SORL1: variants seen among roughly 807,000 people sequenced by gnomAD.
SORL1 encodes sortilin-related receptor.
SORL1 carries 127 observed loss-of-function variants against 273.7 expected under a neutral mutation model. That is an observed-to-expected ratio of 0.46 (90% CI 0.40 to 0.54). SORL1 has a LOEUF of 0.54. SORL1 is among the 20% of genes least tolerant of loss of function. The pLI is 0.00. For synonymous variants in SORL1, 1,031 were observed against 1,067.4 expected, an observed-to-expected ratio of 0.97 and a Z score of 0.66; for missense variants, 2,494 against 2,846.1, an observed-to-expected ratio of 0.88 and a Z score of 2.81.
intron 2 of SORL1, among the ~76,000 whole-genome samples, chr11:121,471,207 G>A (rs1257339584): frequency 6.6e-6 from 1 of 152,220 alleles, no homozygotes; most frequent in Non-Finnish European, 1.5e-5. Context: ...GGAGAAGCAT[G>A]CTTCCGAGGA....
At chr11:121,615,667 G>A (rs1863629359) in intron 41 of SORL1, among the ~76,000 whole-genome samples, 1 of 152,110 alleles carries the variant, frequency 6.6e-6, no homozygotes, top group African/African-American at 2.4e-5. Context: ...GGAGGAACTA[G>A]CCTAGGTCTG....
chr11:121,568,305 G>A (rs888297171), intron 22 of SORL1, among the ~76,000 whole-genome samples: 4 of 152,294 alleles, frequency 2.6e-5, no homozygotes, highest in Middle Eastern at 3.4e-3. Flanking sequence ...AAAAAGATGA[G>A]CCTTTCTTTC....
rs772572979 is a variant in SORL1, at chr11:121,612,785, A to G, written c.5372A>G (p.Gln1791Arg). The change falls in exon 40 of 48, where the codon CAA (glutamine) becomes CGA (arginine). Residue 1791 changes from glutamine (Q) to arginine (R), a missense_variant. By Grantham distance (43) the Gln-to-Arg change is conservative. Coordinates refer to ENST00000260197, the MANE Select transcript of SORL1 (RefSeq NM_003105.6). ...TTCTGGGCATTTGACACCCACAAGC[A>G]AGAGAGGAGAACTTTGAACTTCCGA... ...NLFWAFDTHK[Q>R]ERRTLNFRGS... 1.9e-6 allele frequency: 3 copies of G among 1,614,156 alleles called. No homozygotes were observed. The South Asian group carries it at 3.3e-5, about 18-fold the overall frequency.
intron 35 of SORL1, 69 bp from the exon 36 acceptor site, chr11:121,606,776 G>A: frequency 1.4e-6 from 1 of 714,874 alleles, no homozygotes. Flanking sequence ...CTTGTTCTAA[G>A]CCCAGGAAAA....
intron 1 of SORL1, among the ~76,000 whole-genome samples, chr11:121,455,382 G>T (rs1295636336): frequency 6.6e-6 from 1 of 152,202 alleles, no homozygotes; most frequent in African/African-American, 2.4e-5. Flanking sequence ...GGCAGCACAG[G>T]TTAGGGCTGG....
chr11:121,591,645 A>G (rs929235057), intron 31 of SORL1, among the ~76,000 whole-genome samples: 9 of 152,158 alleles, frequency 5.9e-5, no homozygotes, highest in African/African-American at 2.2e-4. Context: ...TAGTCACCAT[A>G]TTGTTGGAGG....
chr11:121,464,347 A>C (rs1213909020), intron 1 of SORL1, among the ~76,000 whole-genome samples: 1 of 152,214 alleles, frequency 6.6e-6, no homozygotes, highest in Non-Finnish European at 1.5e-5. Context: ...TCATTGGCTT[A>C]GACTTGCAAC....
At chr11:121,587,673 CA>C (rs2134895763) in intron 27 of SORL1, among the ~76,000 whole-genome samples, 1 of 152,296 alleles carries the variant, frequency 6.6e-6, no homozygotes, top group South Asian at 2.1e-4. Flanking sequence ...ATCTATTAAT[CA>C]TGCTTGAGAT....
At chr11:121,474,807 A>G (rs1861236304) in intron 2 of SORL1, among the ~76,000 whole-genome samples, 1 of 152,258 alleles carries the variant, frequency 6.6e-6, no homozygotes, top group Non-Finnish European at 1.5e-5. Flanking sequence ...AGGAAAGCGC[A>G]AGTCGGGGTG....
intron 7 of SORL1, 128 bp downstream of exon 7, chr11:121,513,232 A>G: frequency 1.4e-6 from 1 of 728,924 alleles, no homozygotes; most frequent in Non-Finnish European, 2.5e-6. Context: ...TCAGGTCTCT[A>G]GAGAGTGCAG....
Position 121,590,060 on chromosome 11 carries a change from A to T in SORL1, c.4099A>T (p.Asn1367Tyr). 6.2e-7 allele frequency: 1 copy of T among 1,614,152 alleles called. No homozygotes were observed. Among genetic ancestry groups the T allele is most frequent in the Non-Finnish European group, 8.5e-7 (1 of 1,180,012 alleles). Residue 1367 changes from asparagine to tyrosine, a missense_variant, in exon 30 of 48, where the codon AAC (asparagine) becomes TAC (tyrosine). Physicochemically the swap from Asn to Tyr is moderately radical, Grantham distance 143 (BLOSUM62 -2). Around this residue, in one of 3 missense-constraint regions of SORL1, gnomAD observed 1,609 missense variants for 1,816.4 expected, o/e 0.89. Coordinates refer to ENST00000260197, the MANE Select transcript of SORL1 (RefSeq NM_003105.6). Reference protein sequence around the residue: ...ANCENPTEAPNCSRYFQFRCE... With the variant: ...ANCENPTEAPYCSRYFQFRCE... The stretch of plus-strand genomic sequence containing the variant: ...TGCAGAAAACCCCACAGAAGCCCCA[A>T]ACTGCTCCCGCTACTTCCAGTTTCG...
intron 1 of SORL1, among the ~76,000 whole-genome samples, chr11:121,458,842 GT>G (rs1465687003): frequency 6.6e-6 from 1 of 152,096 alleles, no homozygotes; most frequent in Non-Finnish European, 1.5e-5. Context: ...GAGATGCTCA[GT>G]TTTTTTTAAC....
intron 25 of SORL1, among the ~76,000 whole-genome samples, chr11:121,580,709 A>G (rs747777258): frequency 1.2e-4 from 17 of 146,540 alleles, no homozygotes; most frequent in Admixed American, 2.1e-4. Context: ...GGCTCAATCC[A>G]TCTTCCCGCC....
chr11:121,562,055 T>G (rs959892638), intron 21 of SORL1, among the ~76,000 whole-genome samples: 1 of 152,108 alleles, frequency 6.6e-6, no homozygotes, highest in Non-Finnish European at 1.5e-5. Flanking sequence ...TGGACACTGA[T>G]AGGACACTTG....
At chr11:121,629,230 C>T (rs1863839912) in intron 47 of SORL1, 1 of 471,458 alleles carries the variant, frequency 2.1e-6, no homozygotes, top group African/African-American at 1.9e-5. Context: ...GAGTCTTCTC[C>T]TGAGAAGCTT....
chr11:121,507,409 C>CAGG (rs1401648857), intron 6 of SORL1, among the ~76,000 whole-genome samples: 1 of 152,064 alleles, frequency 6.6e-6, no homozygotes, highest in African/African-American at 2.4e-5. Context: ...ATGTGTATGT[C>CAGG]AGGACACTTG....
rs750659243 is a variant in SORL1 at position 121,627,893 on chromosome 11, G to A, written c.6577+126G>A. On this transcript the variant is annotated intron_variant, in intron 47 of 47. Transcript: ENST00000260197. The surrounding 1 kb of genome is among the most constrained non-coding windows in gnomAD (Gnocchi z 4.9). The stretch of plus-strand genomic sequence containing the variant: ...CTGGAGGAGCTCTTCATCAGCCAGC[G>A]ATTTGATTCCATGAGTTTTGGTTAA... 3.1e-6 allele frequency: 2 copies of A among 642,716 alleles called. No individual in the cohort carries two copies. The highest frequency in any genetic ancestry group is 1.9e-5 in the South Asian group (1 of 51,630). The allele number at this position is 642,716 out of a possible 1,614,324, so 39.8% of individuals were successfully genotyped here.
rs757490739 is a variant in SORL1, at chr11:121,539,668, CT to C, written c.1686-3871del. ...TATGTTGTTATTCAAAGATTTTTTT[CT>C]TTTTTTTTACTAACGAAGTCTTTAT... is the stretch of plus-strand genomic sequence containing the variant. On this transcript the variant is annotated intron_variant, in intron 12 of 47. Transcript: ENST00000260197. Among the ~76,000 whole-genome samples the C allele has an allele frequency of 5.4e-3, 811 of 150,360 alleles. 7 individuals carry two copies. The highest frequency in any genetic ancestry group is 0.018 in the African/African-American group (757 of 41,022).
chr11:121,610,935 C>T (rs1463303252), intron 38 of SORL1, 141 bp from the exon 39 acceptor site: 3 of 601,800 alleles, frequency 5.0e-6, no homozygotes, highest in Admixed American at 2.9e-5. Context: ...AAAAAAAGAT[C>T]GATGAGGAAC....
Sources: allele counts gnomAD v4.1 joint callset (sites outside exome capture counted in the v4.1 genomes callset), GRCh38; gene constraint gnomAD v4.1.1; regional missense constraint gnomAD v4.1.1; non-coding constraint Gnocchi (gnomAD v3.1); transcripts MANE v1.5; gene names NCBI Gene and HGNC (gene_info 2026-07-23, HGNC 2026-07-21).